ZBTB1: variants seen among roughly 807,000 people sequenced by gnomAD.
ZBTB1 encodes zinc finger and BTB domain-containing protein 1.
A neutral mutation model predicts 51.6 loss-of-function variants in ZBTB1; 13 were observed. The ratio of observed to expected loss-of-function variants is 0.25; its 90% CI spans 0.16 to 0.40. The LOEUF (loss-of-function observed/expected upper bound fraction) is 0.40. Ranked by LOEUF, ZBTB1 falls within the 10% of genes least tolerant of loss-of-function variation. The pLI is 1.00. For missense variants in ZBTB1, 567 were observed against 856.5 expected (o/e 0.66, Z 4.22); for synonymous variants, 240 against 282.2 (o/e 0.85, Z 1.50).
downstream of ZBTB1, among the ~76,000 whole-genome samples, chr14:64,525,528 G>C (rs2079897446): frequency 6.6e-6 from 1 of 152,102 alleles, no homozygotes; most frequent in Admixed American, 6.6e-5. Context: ...CCAAACTACA[G>C]TATATAGTAT....
downstream of ZBTB1, among the ~76,000 whole-genome samples, chr14:64,526,006 G>A (rs1343603341): frequency 3.3e-5 from 5 of 151,908 alleles, no homozygotes; most frequent in Non-Finnish European, 7.4e-5. Context: ...TTTTAGTGGA[G>A]ACAGGGTTTC....
chr14:64,506,145 CTT>C (rs374161372), intron 1 of ZBTB1, among the ~76,000 whole-genome samples: 28 of 152,306 alleles, frequency 1.8e-4, no homozygotes, highest in African/African-American at 6.7e-4. Context: ...AACCTCAAAA[CTT>C]TGCTTTTGAA....
intron 1 of ZBTB1, among the ~76,000 whole-genome samples, chr14:64,509,715 T>C (rs1012902016): frequency 6.6e-6 from 1 of 151,958 alleles, no homozygotes; most frequent in African/African-American, 2.4e-5. Context: ...CTCACGCTTG[T>C]AATCCCAGCA....
At chr14:64,505,888 C>G (rs1268990841) in intron 1 of ZBTB1, among the ~76,000 whole-genome samples, 1 of 152,158 alleles carries the variant, frequency 6.6e-6, no homozygotes, top group Non-Finnish European at 1.5e-5. Context: ...AAATAGTGTT[C>G]CCTTTGACAC....
At chr14:64,532,300 T>C (rs2079947955) in exon 3 of ZBTB1, 1 of 153,674 alleles carries the variant, frequency 6.5e-6, no homozygotes, top group Non-Finnish European at 1.4e-5. Context: ...TATATAGATA[T>C]AAATAATTCT....
At chr14:64,506,034 T>G (rs1057431647) in intron 1 of ZBTB1, among the ~76,000 whole-genome samples, 5 of 152,216 alleles carry the variant, frequency 3.3e-5, no homozygotes, top group Non-Finnish European at 7.3e-5. Context: ...AATTAGATTC[T>G]ATGAAATTTT....
intron 1 of ZBTB1, among the ~76,000 whole-genome samples, chr14:64,508,530 T>G (rs1013790676): frequency 3.3e-5 from 5 of 152,202 alleles, no homozygotes; most frequent in African/African-American, 1.2e-4. Context: ...AATAGTCATA[T>G]TCAGAAGAGT....
In ZBTB1 at chr14:64,523,704, A is replaced by T. The variant is rs926246520; in HGVS notation, c.*58A>T. Reference sequence around the variant, plus strand: ...AGCAGATAAAACACCAAAGCAAAGGATATGAGCTATTTAGGAATTGATTAT... The same window carrying T: ...AGCAGATAAAACACCAAAGCAAAGGTTATGAGCTATTTAGGAATTGATTAT... On this transcript the variant is annotated 3_prime_UTR_variant, in exon 2 of 2. Transcript: ENST00000683701. The surrounding 1 kb of genome is among the most constrained non-coding windows in gnomAD (Gnocchi z 4.5). The T allele has an allele frequency of 2.4e-5, 35 of 1,464,068 alleles. No individual in the cohort carries two copies. In the South Asian group the frequency reaches 2.8e-4, roughly 12 times the overall value. 90.7% of individuals were successfully genotyped at this position (1,464,068 alleles called of 1,614,324 possible).
At chr14:64,503,760 G>A (rs1016530388), upstream of ZBTB1, 1 of 285,596 alleles carries the variant, frequency 3.5e-6, no homozygotes, top group Non-Finnish European at 5.3e-6. Context: ...GCACCCCTCG[G>A]CCGCCTCTCG....
intron 2 of ZBTB1, chr14:64,531,784 A>G (rs2079943611): frequency 6.3e-7 from 1 of 1,579,600 alleles, no homozygotes; most frequent in Non-Finnish European, 8.7e-7. Flanking sequence ...TTCTGATCTA[A>G]GAATTATGTT....
chr14:64,528,737 T>C (rs2079922780), downstream of ZBTB1, among the ~76,000 whole-genome samples: 1 of 152,240 alleles, frequency 6.6e-6, no homozygotes, highest in African/African-American at 2.4e-5. Context: ...CTCTATACTC[T>C]GCAAAGTGCT....
downstream of ZBTB1, chr14:64,525,018 C>G (rs1229614696): frequency 1.2e-6 from 1 of 804,370 alleles, no homozygotes; most frequent in African/African-American, 1.9e-5. Context: ...TTAATTAACT[C>G]CTAATTTTAA....
chr14:64,531,953 T>TAA, exon 3 of ZBTB1: 2 of 1,599,730 alleles, frequency 1.3e-6, no homozygotes, highest in Non-Finnish European at 8.6e-7. Flanking sequence ...AGATAATCTT[T>TAA]AAGTACAGAC....
At chr14:64,526,887 T>A (rs565327486), downstream of ZBTB1, among the ~76,000 whole-genome samples, 9 of 150,314 alleles carry the variant, frequency 6.0e-5, no homozygotes, top group East Asian at 1.4e-3. Flanking sequence ...AAAAAAAAAA[T>A]TTGTTTAATT....
intron 1 of ZBTB1, among the ~76,000 whole-genome samples, chr14:64,510,609 G>A (rs1244657307): frequency 6.6e-6 from 1 of 152,224 alleles, no homozygotes; most frequent in Non-Finnish European, 1.5e-5. Context: ...CTGGATGTGT[G>A]TGGAGGAGGG....
At chr14:64,511,620 C>A (rs933891837) in intron 1 of ZBTB1, among the ~76,000 whole-genome samples, 2 of 152,150 alleles carry the variant, frequency 1.3e-5, no homozygotes, top group African/African-American at 2.4e-5. Context: ...TATGTAGATT[C>A]AATTTTCAAT....
rs867893759 is a variant in ZBTB1 at position 64,517,786 on chromosome 14, T to A, written c.-18-3701T>A. On this transcript the variant is annotated intron_variant, in intron 1 of 1. Coordinates refer to ENST00000683701, the MANE Select transcript of ZBTB1 (RefSeq NM_001123329.2). ...ATATATATATATATATATATATTTT[T>A]TTTTTTTTTTTTTTTTTGAGACAGT... is the stretch of plus-strand genomic sequence containing the variant. Among the ~76,000 whole-genome samples, 1,089 of 119,066 alleles carry A rather than the reference T, an allele frequency of 9.1e-3. 6 individuals carry two copies. Among genetic ancestry groups the A allele is most frequent in the Admixed American group, 0.017 (201 of 11,490 alleles). 78.1% of individuals were successfully genotyped at this position (119,066 alleles called of 152,430 possible).
chr14:64,510,446 T>A (rs895690649), intron 1 of ZBTB1, among the ~76,000 whole-genome samples: 5 of 152,166 alleles, frequency 3.3e-5, no homozygotes, highest in African/African-American at 1.2e-4. Context: ...CACAATGAGA[T>A]CAAAACCTAA....
chr14:64,529,593 G>A (rs752272306), downstream of ZBTB1, among the ~76,000 whole-genome samples: 1 of 151,928 alleles, frequency 6.6e-6, no homozygotes, highest in Non-Finnish European at 1.5e-5. Context: ...GCAACACAGC[G>A]AAACCCCATC....
Sources: allele counts gnomAD v4.1 joint callset (sites outside exome capture counted in the v4.1 genomes callset), GRCh38; gene constraint gnomAD v4.1.1; non-coding constraint Gnocchi (gnomAD v3.1); transcripts MANE v1.5; gene names NCBI Gene and HGNC (gene_info 2026-07-23, HGNC 2026-07-21).